POLA1: variants seen among roughly 807,000 people sequenced by gnomAD.
POLA1 encodes the protein DNA polymerase alpha 1, catalytic subunit.
POLA1 carries 15 observed loss-of-function variants against 124.0 expected under a neutral mutation model. The ratio of observed to expected loss-of-function variants is 0.12; its 90% CI spans 0.08 to 0.19. The LOEUF is 0.19. Ranked by LOEUF, POLA1 falls within the 10% of genes least tolerant of loss-of-function variation. The probability of loss-of-function intolerance (pLI) is 1.00; values close to 1 mark genes in which losing one functional copy is unlikely to be tolerated. For missense variants in POLA1, 886 were observed against 1,103.4 expected (o/e 0.80, Z 2.79); for synonymous variants, 408 against 389.4 (o/e 1.05, Z -0.56).
chrX:24,710,220 T>C (rs1480989596), intron 4 of POLA1, among the ~76,000 whole-genome samples: 1 of 111,040 alleles, frequency 9.0e-6, no homozygotes, highest in Admixed American at 9.5e-5. Flanking sequence ...ATCATCTTGT[T>C]CCAGAACATT....
chrX:24,794,771 G>A (rs2148474015), intron 26 of POLA1, among the ~76,000 whole-genome samples: 1 of 111,433 alleles, frequency 9.0e-6, no homozygotes, highest in South Asian at 3.8e-4. Context: ...ATGAATCATT[G>A]TATTCCTATA....
intron 36 of POLA1, among the ~76,000 whole-genome samples, chrX:24,978,282 T>TTG (rs2048387399): frequency 1.8e-5 from 2 of 111,976 alleles, no homozygotes; most frequent in Admixed American, 9.5e-5. Flanking sequence ...GTTCTTACAA[T>TTG]TAAGAGGGAA....
At chrX:24,758,903 A>G (rs1264308340) in intron 26 of POLA1, among the ~76,000 whole-genome samples, 1 of 110,640 alleles carries the variant, frequency 9.0e-6, no homozygotes, top group Non-Finnish European at 1.9e-5. Flanking sequence ...GATGGTCTCG[A>G]TCTCCTTGGC....
chrX:24,975,215 T>C (rs964362906), intron 36 of POLA1, among the ~76,000 whole-genome samples: 1 of 112,218 alleles, frequency 8.9e-6, no homozygotes, highest in African/African-American at 3.2e-5. Context: ...TTTCACCATA[T>C]TGGCCAGGCT....
intron 26 of POLA1, among the ~76,000 whole-genome samples, chrX:24,764,129 G>A (rs949587160): frequency 1.8e-5 from 2 of 111,688 alleles, no homozygotes; most frequent in African/African-American, 3.3e-5. Flanking sequence ...GTAAATGCCC[G>A]GTGAGGTTGT....
chrX:24,812,747 G>A lies in POLA1; in HGVS notation c.3180G>A (p.Lys1060=), dbSNP rs367896351. Reference sequence around the variant, plus strand: ...CTCTGCTACTGCTGAAAAAAAAGAAGTACGCTGCTCTGGTTGTTGAGCCAA... The same window carrying A: ...CTCTGCTACTGCTGAAAAAAAAGAAATACGCTGCTCTGGTTGTTGAGCCAA... ...FKSLLLLKKK[K]YAALVVEPTS... The change falls in exon 29 of 37, where the codon AAG becomes AAA. Residue 1060 remains lysine (K), a synonymous_variant. Transcript: ENST00000379068. The A allele has an allele frequency of 5.7e-5, 68 of 1,197,597 alleles. No homozygotes were observed. Among genetic ancestry groups the A allele is most frequent in the Non-Finnish European group, 6.3e-5 (56 of 884,139 alleles).
intron 4 of POLA1, among the ~76,000 whole-genome samples, chrX:24,710,193 T>C (rs1169138832): frequency 9.1e-6 from 1 of 110,170 alleles, no homozygotes; most frequent in Non-Finnish European, 1.9e-5. Context: ...ATATTCACAA[T>C]GTTTGCAACC....
chrX:24,743,551 C>T (rs749357296), intron 23 of POLA1, among the ~76,000 whole-genome samples: 1 of 112,448 alleles, frequency 8.9e-6, no homozygotes, highest in East Asian at 2.8e-4. Context: ...TATTTATAGA[C>T]ATTGAAATTT....
intron 34 of POLA1, among the ~76,000 whole-genome samples, chrX:24,844,077 T>C (rs2046443818): frequency 9.0e-6 from 1 of 111,693 alleles, no homozygotes; most frequent in African/African-American, 3.2e-5. Flanking sequence ...TCGTGTGTAG[T>C]GATCTTAGTG....
At chrX:24,963,703 C>T (rs1284540471) in intron 36 of POLA1, among the ~76,000 whole-genome samples, 1 of 111,138 alleles carries the variant, frequency 9.0e-6, no homozygotes, top group African/African-American at 3.3e-5. Flanking sequence ...GGTAAGTCTA[C>T]AATAATACAG....
At chrX:24,950,023 C>G (rs755576610) in intron 36 of POLA1, among the ~76,000 whole-genome samples, 1 of 111,979 alleles carries the variant, frequency 8.9e-6, no homozygotes, top group Non-Finnish European at 1.9e-5. Context: ...TGAGCCACCA[C>G]GCCCAGCTAC....
chrX:24,960,566 G>A (rs370587794), intron 36 of POLA1, among the ~76,000 whole-genome samples: 33 of 112,056 alleles, frequency 2.9e-4, no homozygotes, highest in African/African-American at 1.1e-3. Context: ...TTCTTTTGGA[G>A]TGGGGGGATT....
chrX:24,833,108 C>A (rs1040179708), intron 32 of POLA1, among the ~76,000 whole-genome samples: 3 of 110,556 alleles, frequency 2.7e-5, no homozygotes, highest in African/African-American at 9.9e-5. Flanking sequence ...CATTCTTTTG[C>A]CTTTGTGTCA....
chrX:24,845,420 A>T (rs1185393979), intron 34 of POLA1, among the ~76,000 whole-genome samples: 3 of 111,856 alleles, frequency 2.7e-5, no homozygotes, highest in Non-Finnish European at 3.8e-5. Flanking sequence ...TTCTGATCTG[A>T]ATTATATGTG....
chrX:24,857,308 C>T (rs1364743535), intron 34 of POLA1, among the ~76,000 whole-genome samples: 2 of 111,900 alleles, frequency 1.8e-5, no homozygotes, highest in African/African-American at 3.2e-5. Flanking sequence ...GCCAATACCA[C>T]ACACCTTGAT....
chrX:24,790,332 A>G (rs2045467392), intron 26 of POLA1, among the ~76,000 whole-genome samples: 1 of 112,228 alleles, frequency 8.9e-6, no homozygotes, highest in Non-Finnish European at 1.9e-5. Flanking sequence ...AGTCTTCTCA[A>G]TGTAATACAA....
At chrX:24,950,342 G>T (rs1387791836) in intron 36 of POLA1, among the ~76,000 whole-genome samples, 1 of 111,912 alleles carries the variant, frequency 8.9e-6, no homozygotes. Context: ...AATGTAGCTA[G>T]TGCGACTGAG....
chrX:24,724,978 A>G (rs944782378), intron 12 of POLA1, among the ~76,000 whole-genome samples: 2 of 111,406 alleles, frequency 1.8e-5, no homozygotes, highest in African/African-American at 6.5e-5. Flanking sequence ...GCTATTAATA[A>G]TGATCGCAGG....
rs1432944114 is a variant in POLA1, at chrX:24,748,361, G to A, written c.2742G>A (p.Met914Ile). ...AGTTGCCAGATCCAAGCTTAGAAAT[G>A]GGCATTTTGCCCAGAGAGATCCGGA... ...IPELPDPSLE[M>I]GILPREIRKL... is the part of the protein sequence containing the mutation. The change falls in exon 25 of 37, where the codon ATG becomes ATA. Residue 914 changes from methionine to isoleucine, a missense_variant. By Grantham distance (10) the Met-to-Ile change is conservative. Transcript: ENST00000379068. 2.7e-5 allele frequency: 32 copies of A among 1,193,287 alleles called. No homozygotes were observed. Among genetic ancestry groups the A allele is most frequent in the Non-Finnish European group, 3.6e-5 (32 of 880,310 alleles).
Sources: gnomAD v4.1 joint callset for allele counts (sites outside exome capture counted in the v4.1 genomes callset) on GRCh38, gnomAD v4.1.1 for gene constraint, MANE v1.5 for transcripts, NCBI Gene and HGNC (gene_info 2026-07-23, HGNC 2026-07-21) for gene names.